The following SOX5 variants were observed in gnomAD, a reference collection of about 807,000 sequenced individuals.
SOX5 encodes the protein transcription factor SOX-5.
SOX5 carries 9 observed loss-of-function variants against 92.0 expected under a neutral mutation model. That is an observed-to-expected ratio of 0.10 (90% CI 0.06 to 0.17). The LOEUF is 0.17. Ranked by LOEUF, SOX5 falls within the 10% of genes least tolerant of loss-of-function variation. The probability of loss-of-function intolerance (pLI) is 1.00; values close to 1 mark genes in which losing one functional copy is unlikely to be tolerated. For synonymous variants in SOX5, 344 were observed against 336.3 expected, an observed-to-expected ratio of 1.02 and a Z score of -0.25; for missense variants, 642 against 944.5, an observed-to-expected ratio of 0.68 and a Z score of 4.20.
At chr12:23,858,792 C>T (rs993156818) in intron 2 of SOX5, among the ~76,000 whole-genome samples, 14 of 152,136 alleles carry the variant, frequency 9.2e-5, no homozygotes, top group South Asian at 4.1e-4. Flanking sequence ...GGACCCTGAA[C>T]GGAGGGACCA....
intron 6 of SOX5, among the ~76,000 whole-genome samples, chr12:23,682,845 A>G (rs1023662659): frequency 3.3e-5 from 5 of 151,830 alleles, no homozygotes; most frequent in Admixed American, 3.3e-4. Flanking sequence ...ATGAAAGCTG[A>G]CTCCATCTTG....
chr12:24,301,303 C>A (rs1947917251), intron 2 of SOX5, among the ~76,000 whole-genome samples: 4 of 152,130 alleles, frequency 2.6e-5, no homozygotes, highest in Admixed American at 2.6e-4. Context: ...AAAAGTTGCC[C>A]CAAATGCCTT....
At chr12:23,951,982 A>T (rs956319572), upstream of SOX5, among the ~76,000 whole-genome samples, 1 of 151,852 alleles carries the variant, frequency 6.6e-6, no homozygotes, top group Non-Finnish European at 1.5e-5. Context: ...AATCTAATAT[A>T]CTCTAATGGA....
chr12:24,272,062 T>C (rs1943828226), intron 3 of SOX5, among the ~76,000 whole-genome samples: 1 of 152,116 alleles, frequency 6.6e-6, no homozygotes, highest in Non-Finnish European at 1.5e-5. Flanking sequence ...ATGGTACTTA[T>C]AAATCAATAA....
At chr12:24,215,143 C>T (rs1467198502) in intron 3 of SOX5, among the ~76,000 whole-genome samples, 1 of 152,078 alleles carries the variant, frequency 6.6e-6, no homozygotes, top group African/African-American at 2.4e-5. Context: ...AAATCTACAA[C>T]TATAATACTT....
At chr12:24,012,716 C>A (rs1953093387) in intron 4 of SOX5, among the ~76,000 whole-genome samples, 1 of 152,124 alleles carries the variant, frequency 6.6e-6, no homozygotes, top group Non-Finnish European at 1.5e-5. Context: ...AGGTGGCACT[C>A]TTTCCTCTAC....
chr12:24,180,697 T>G (rs1177716852), intron 4 of SOX5, among the ~76,000 whole-genome samples: 1 of 152,244 alleles, frequency 6.6e-6, no homozygotes, highest in Admixed American at 6.5e-5. Context: ...GCATAGAAAT[T>G]AAAATACTGC....
rs551781256 is a variant in SOX5 at position 23,591,853 on chromosome 12, A to G, written c.1164+12534T>C. On this transcript the variant is annotated intron_variant, in intron 9 of 14. Coordinates refer to ENST00000451604, the MANE Select transcript of SOX5 (RefSeq NM_006940.6). ...ACTTCACAACAGTATTTTTTTTCTTATGTTATTTGAAGTGCTACTGGAAAT... is the reference window on the plus strand; with the variant it reads ...ACTTCACAACAGTATTTTTTTTCTTGTGTTATTTGAAGTGCTACTGGAAAT... Among the ~76,000 whole-genome samples the G allele has an allele frequency of 2.1e-3, 317 of 152,062 alleles. 1 individual carries two copies. The highest frequency in any genetic ancestry group is 6.9e-3 in the African/African-American group (288 of 41,506).
intron 4 of SOX5, among the ~76,000 whole-genome samples, chr12:24,165,915 A>T (rs771140198): frequency 6.6e-6 from 1 of 152,142 alleles, no homozygotes; most frequent in Non-Finnish European, 1.5e-5. Context: ...TATATATATG[A>T]AATATGTGAG....
chr12:23,744,535 T>C (rs2093915222), intron 4 of SOX5, among the ~76,000 whole-genome samples: 1 of 152,194 alleles, frequency 6.6e-6, no homozygotes, highest in Non-Finnish European at 1.5e-5. Context: ...CATCCCTGCA[T>C]TGATATTAAT....
chr12:23,839,803 A>C (rs938665910), intron 3 of SOX5, among the ~76,000 whole-genome samples: 27 of 148,142 alleles, frequency 1.8e-4, no homozygotes, highest in Non-Finnish European at 2.4e-4. Context: ...CAAACTAGGA[A>C]TAGAGTGAGG....
chr12:24,544,699 T>C (rs1952450291), intron 1 of SOX5, among the ~76,000 whole-genome samples: 1 of 152,224 alleles, frequency 6.6e-6, no homozygotes, highest in Non-Finnish European at 1.5e-5. Context: ...TAAAACCTAA[T>C]TTTTCTTCAG....
At chr12:24,249,725 C>T (rs969646147) in intron 3 of SOX5, among the ~76,000 whole-genome samples, 2 of 152,160 alleles carry the variant, frequency 1.3e-5, no homozygotes, top group African/African-American at 4.8e-5. Flanking sequence ...AGCTGGAAAC[C>T]ACCTCACTGA....
chr12:24,236,847 C>T (rs74068462), intron 3 of SOX5, among the ~76,000 whole-genome samples: 2,588 of 151,628 alleles, frequency 0.017, 68 homozygotes, highest in African/African-American at 0.059. Context: ...GTAATAAACA[C>T]GTGGGGGCAC....
At chr12:24,257,688 C>T (rs904276943) in intron 3 of SOX5, among the ~76,000 whole-genome samples, 2 of 151,780 alleles carry the variant, frequency 1.3e-5, no homozygotes, top group African/African-American at 4.8e-5. Flanking sequence ...AGGCTGGTCT[C>T]GAACTCCTGA....
chr12:24,361,228 G>A (rs1256953694), intron 2 of SOX5, among the ~76,000 whole-genome samples: 1 of 152,138 alleles, frequency 6.6e-6, no homozygotes, highest in Admixed American at 6.5e-5. Context: ...AAACAATGCA[G>A]ATCCCATTTC....
intron 1 of SOX5, among the ~76,000 whole-genome samples, chr12:24,540,573 A>G (rs1274253748): frequency 6.6e-6 from 1 of 152,164 alleles, no homozygotes; most frequent in African/African-American, 2.4e-5. Context: ...ATTTATAGCC[A>G]ATTCTGGTGA....
intron 11 of SOX5, among the ~76,000 whole-genome samples, chr12:23,548,654 A>G (rs1943613050): frequency 6.6e-6 from 1 of 152,040 alleles, no homozygotes; most frequent in Non-Finnish European, 1.5e-5. Flanking sequence ...TTTTTTTTAA[A>G]AAAAGTGTGG....
intron 4 of SOX5, among the ~76,000 whole-genome samples, chr12:24,111,784 A>T (rs1947377520): frequency 6.6e-6 from 1 of 152,218 alleles, no homozygotes; most frequent in African/African-American, 2.4e-5. Context: ...TGAGGCCCTC[A>T]AAAACTTTCC....
Sources: gnomAD v4.1 joint callset for allele counts (sites outside exome capture counted in the v4.1 genomes callset) on GRCh38, gnomAD v4.1.1 for gene constraint, MANE v1.5 for transcripts, NCBI Gene and HGNC (gene_info 2026-07-23, HGNC 2026-07-21) for gene names.